The following SLC9B2 variants were observed in gnomAD, a reference collection of about 807,000 sequenced individuals.
SLC9B2 encodes the protein sodium/hydrogen exchanger 9B2.
SLC9B2 carries 39 observed loss-of-function variants against 52.2 expected under a neutral mutation model. That is an observed-to-expected ratio of 0.75 (90% CI 0.58 to 0.98). The LOEUF (loss-of-function observed/expected upper bound fraction) is 0.98. Ranked by LOEUF, SLC9B2 falls within the 50% of genes least tolerant of loss-of-function variation. The pLI is 0.00. For synonymous variants in SLC9B2, 214 were observed against 227.0 expected, an observed-to-expected ratio of 0.94 and a Z score of 0.51; for missense variants, 626 against 637.5, an observed-to-expected ratio of 0.98 and a Z score of 0.19.
rs911149549 is a variant in SLC9B2, at chr4:103,023,028, T to C, written c.*3342A>G. Among the ~76,000 whole-genome samples, 6 of 152,178 alleles carry C rather than the reference T, an allele frequency of 3.9e-5. No homozygotes were observed. Among genetic ancestry groups the C allele is most frequent in the Non-Finnish European group, 5.9e-5 (4 of 68,022 alleles). On this transcript the variant is annotated 3_prime_UTR_variant, in exon 12 of 12. Coordinates refer to ENST00000394785, the MANE Select transcript of SLC9B2 (RefSeq NM_178833.7). ...CTGATCTCGAACTTCCAACCTTTAA[T>C]AGAAGTAAGTTTCTGTTGTGTAAGC...
At chr4:103,069,353 C>G (rs1443100821) in intron 1 of SLC9B2, among the ~76,000 whole-genome samples, 1 of 152,174 alleles carries the variant, frequency 6.6e-6, no homozygotes, top group Non-Finnish European at 1.5e-5. Context: ...AAGTGAATGA[C>G]CCCAAATATG....
At chr4:103,042,972 T>C (rs1181803544) in intron 9 of SLC9B2, among the ~76,000 whole-genome samples, 1 of 152,072 alleles carries the variant, frequency 6.6e-6, no homozygotes, top group Non-Finnish European at 1.5e-5. Context: ...TGTAAGGATA[T>C]ATTATTGAAG....
chr4:103,021,258 G>A (rs1483827212), downstream of SLC9B2, among the ~76,000 whole-genome samples: 2 of 152,152 alleles, frequency 1.3e-5, no homozygotes, highest in African/African-American at 4.8e-5. Flanking sequence ...GGAAGATGGA[G>A]CGCACATCAA....
At chr4:103,036,223 G>C (rs997619382) in intron 9 of SLC9B2, among the ~76,000 whole-genome samples, 1 of 152,190 alleles carries the variant, frequency 6.6e-6, no homozygotes, top group Non-Finnish European at 1.5e-5. Flanking sequence ...GTCCTTTGCA[G>C]TGACATCGAT....
chr4:103,056,881 A>G (rs1204121992), intron 4 of SLC9B2, among the ~76,000 whole-genome samples: 2 of 152,228 alleles, frequency 1.3e-5, no homozygotes, highest in Non-Finnish European at 2.9e-5. Context: ...ATGAATGAGC[A>G]AGTGCAGTGT....
chr4:103,070,687 C>A (rs906281346), intron 1 of SLC9B2, among the ~76,000 whole-genome samples: 1 of 152,172 alleles, frequency 6.6e-6, no homozygotes, highest in African/African-American at 2.4e-5. Context: ...GTGATCCACC[C>A]GCCTAGGCCT....
At chr4:103,056,053 C>T (rs1300255779) in intron 4 of SLC9B2, among the ~76,000 whole-genome samples, 1 of 152,086 alleles carries the variant, frequency 6.6e-6, no homozygotes, top group African/African-American at 2.4e-5. Flanking sequence ...ATCTGCCCGG[C>T]TTGGTCTCCC....
At chr4:103,071,021 T>C (rs1168391926) in intron 1 of SLC9B2, among the ~76,000 whole-genome samples, 1 of 151,898 alleles carries the variant, frequency 6.6e-6, no homozygotes, top group East Asian at 1.9e-4. Flanking sequence ...AGATCAAGAA[T>C]ATAAGCAGTT....
intron 1 of SLC9B2, among the ~76,000 whole-genome samples, chr4:103,071,962 C>A (rs959413629): frequency 2.7e-5 from 4 of 150,438 alleles, no homozygotes; most frequent in African/African-American, 9.8e-5. Flanking sequence ...AATTTAAAAT[C>A]ATTTTTTGTA....
At chr4:103,046,488 G>T (rs1744132807) in intron 7 of SLC9B2, among the ~76,000 whole-genome samples, 1 of 152,062 alleles carries the variant, frequency 6.6e-6, no homozygotes, top group Non-Finnish European at 1.5e-5. Flanking sequence ...CTCAATTTCA[G>T]ACACTTACTA....
intron 4 of SLC9B2, 71 bp from the exon 5 acceptor site, chr4:103,050,453 A>T: frequency 7.2e-7 from 1 of 1,387,284 alleles, no homozygotes. Flanking sequence ...CTTTAATTTT[A>T]TACAGACTAC....
chr4:103,075,003 C>T (rs1046014928), intron 1 of SLC9B2, among the ~76,000 whole-genome samples: 3 of 152,120 alleles, frequency 2.0e-5, no homozygotes, highest in African/African-American at 7.2e-5. Flanking sequence ...CAGAAGTGAA[C>T]GGTCTTAAAT....
chr4:103,067,061 A>C (rs1173809359), intron 2 of SLC9B2, among the ~76,000 whole-genome samples: 1 of 152,086 alleles, frequency 6.6e-6, no homozygotes, highest in Non-Finnish European at 1.5e-5. Context: ...CTGTATTATA[A>C]ATGCTTGGGT....
At position 103,043,456 on chromosome 4, in the gene SLC9B2, A is replaced by G; in HGVS notation, c.997-11T>C. ...ACACACAAGTTTGTCCTTTAGGAGA[A>G]AAAAATTCATTTGCTCAATTATTTC... On this transcript the variant is annotated splice_polypyrimidine_tract_variant and intron_variant, in intron 8 of 11. Coordinates refer to ENST00000394785, the MANE Select transcript of SLC9B2 (RefSeq NM_178833.7). 1.3e-6 allele frequency: 2 copies of G among 1,583,744 alleles called. No homozygotes were observed. The highest frequency in any genetic ancestry group is 2.3e-5 in the South Asian group (2 of 85,184).
chr4:103,075,026 C>T (rs374604754), intron 1 of SLC9B2, among the ~76,000 whole-genome samples: 6 of 152,218 alleles, frequency 3.9e-5, no homozygotes, highest in African/African-American at 1.2e-4. Flanking sequence ...TTCCTATATT[C>T]AGATCTTGTA....
At chr4:103,031,925 T>A (rs1742740890) in intron 9 of SLC9B2, 117 bp from the exon 10 acceptor site, 2 of 980,174 alleles carry the variant, frequency 2.0e-6, no homozygotes. Flanking sequence ...TTCTGTGCCA[T>A]CTATAACTAA....
At chr4:103,041,190 G>A (rs553098647) in intron 9 of SLC9B2, among the ~76,000 whole-genome samples, 2 of 152,154 alleles carry the variant, frequency 1.3e-5, no homozygotes, top group East Asian at 3.9e-4. Flanking sequence ...AAATAGCAGA[G>A]ACTGGAAATA....
chr4:103,076,866 T>C (rs1278877211), upstream of SLC9B2: 2 of 152,306 alleles, frequency 1.3e-5, no homozygotes, highest in Non-Finnish European at 2.9e-5. Flanking sequence ...AACCTCTAAG[T>C]TGTCTATCAG....
chr4:103,065,383 C>CA (rs773235926), intron 3 of SLC9B2: 1 of 151,912 alleles, frequency 6.6e-6, no homozygotes, highest in Admixed American at 6.6e-5. Context: ...GTTCTCACCA[C>CA]AAAAAATGAC....
Sources: allele counts gnomAD v4.1 joint callset (sites outside exome capture counted in the v4.1 genomes callset), GRCh38; gene constraint gnomAD v4.1.1; transcripts MANE v1.5; gene names NCBI Gene and HGNC (gene_info 2026-07-23, HGNC 2026-07-21).